Variants in PCDH15 observed in about 807,000 individuals in gnomAD.
PCDH15 encodes protocadherin-15.
Under a neutral mutation model 178.5 loss-of-function variants are expected in PCDH15, and 129 were observed. The observed-to-expected ratio is 0.72, with a 90% confidence interval of 0.63 to 0.84. PCDH15 has a LOEUF of 0.84. Among genes scored for constraint, PCDH15 ranks in the 40% least tolerant of loss-of-function variants. PCDH15 has a pLI of 0.00. For synonymous variants in PCDH15, 800 were observed against 732.0 expected (o/e 1.09, Z -1.50); for missense variants, 2,230 against 2,099.9 (o/e 1.06, Z -1.21).
intron 3 of PCDH15, among the ~76,000 whole-genome samples, chr10:54,835,134 TA>T (rs1201042504): frequency 6.6e-6 from 1 of 152,260 alleles, no homozygotes; most frequent in East Asian, 1.9e-4. Flanking sequence ...ACCCACTCAA[TA>T]ATAATATTAT....
At chr10:54,866,365 A>T (rs1345814071) in intron 3 of PCDH15, among the ~76,000 whole-genome samples, 2 of 152,202 alleles carry the variant, frequency 1.3e-5, no homozygotes, top group African/African-American at 4.8e-5. Flanking sequence ...ATTTGTGAGA[A>T]GTCTACTGTA....
At chr10:54,715,017 T>C (rs932355042) in intron 1 of PCDH15, among the ~76,000 whole-genome samples, 3 of 152,116 alleles carry the variant, frequency 2.0e-5, no homozygotes, top group Non-Finnish European at 4.4e-5. Context: ...TAGAAATTAT[T>C]AAGCACATAT....
chr10:54,427,385 T>C (rs1029415617), intron 3 of PCDH15, among the ~76,000 whole-genome samples: 10 of 150,712 alleles, frequency 6.6e-5, no homozygotes, highest in African/African-American at 2.5e-4. Context: ...TTCAATTGAT[T>C]CTCCTGCCTC....
chr10:54,082,147 A>G (rs2135972548), intron 16 of PCDH15, among the ~76,000 whole-genome samples: 1 of 152,310 alleles, frequency 6.6e-6, no homozygotes, highest in African/African-American at 2.4e-5. Context: ...TTATTCATAA[A>G]GAACTGTGGG....
chr10:53,957,095 T>C (rs1306532388), intron 23 of PCDH15, among the ~76,000 whole-genome samples: 1 of 152,214 alleles, frequency 6.6e-6, no homozygotes, highest in African/African-American at 2.4e-5. Flanking sequence ...AAATGAGCTC[T>C]AAATGAAAAC....
intron 2 of PCDH15, among the ~76,000 whole-genome samples, chr10:55,091,461 TA>T (rs1221914545): frequency 7.1e-6 from 1 of 139,864 alleles, no homozygotes; most frequent in Non-Finnish European, 1.6e-5. Context: ...AGTAGAGGTC[TA>T]AAGTGAATTA....
chr10:54,655,185 T>C (rs2094351365), intron 2 of PCDH15, among the ~76,000 whole-genome samples: 1 of 142,902 alleles, frequency 7.0e-6, no homozygotes, highest in Admixed American at 7.4e-5. Context: ...CACTCCAGCC[T>C]GGGCACAGAG....
intron 15 of PCDH15, among the ~76,000 whole-genome samples, chr10:54,101,709 G>A (rs751091591): frequency 2.0e-5 from 3 of 152,150 alleles, no homozygotes; most frequent in Non-Finnish European, 4.4e-5. Context: ...GCTCATGCCT[G>A]TTATCCCAGA....
chr10:55,012,518 G>A (rs1233970671), intron 2 of PCDH15, among the ~76,000 whole-genome samples: 1 of 151,956 alleles, frequency 6.6e-6, no homozygotes, highest in Non-Finnish European at 1.5e-5. Context: ...CTCTAATATA[G>A]TTGGTAGCCT....
intron 8 of PCDH15, among the ~76,000 whole-genome samples, chr10:54,257,628 C>T (rs530141260): frequency 6.6e-6 from 1 of 152,096 alleles, no homozygotes; most frequent in East Asian, 1.9e-4. Flanking sequence ...ATGAAGTTAG[C>T]TTGCTGAAGG....
intron 2 of PCDH15, among the ~76,000 whole-genome samples, chr10:54,933,757 T>C (rs1040991379): frequency 6.6e-6 from 1 of 152,174 alleles, no homozygotes; most frequent in African/African-American, 2.4e-5. Flanking sequence ...GGATTCCATG[T>C]GCAAACTTTA....
At chr10:55,340,585 C>T (rs59882248) in intron 2 of PCDH15, among the ~76,000 whole-genome samples, 3 of 151,764 alleles carry the variant, frequency 2.0e-5, no homozygotes, top group Admixed American at 6.6e-5. Context: ...ATAATATATT[C>T]GTGTACAACA....
chr10:54,558,263 T>A (rs775307206), intron 2 of PCDH15, among the ~76,000 whole-genome samples: 1 of 152,162 alleles, frequency 6.6e-6, no homozygotes, highest in African/African-American at 2.4e-5. Flanking sequence ...GCTTCAAAAA[T>A]ATTTTCTATG....
chr10:55,283,186 C>G (rs866064137), intron 1 of PCDH15, among the ~76,000 whole-genome samples: 1 of 152,022 alleles, frequency 6.6e-6, no homozygotes, highest in African/African-American at 2.4e-5. Context: ...TTCGCAGACC[C>G]TGCACTGGAT....
chr10:54,853,199 G>A lies in PCDH15; in HGVS notation c.-29+44251C>T, dbSNP rs534842676. Among the ~76,000 whole-genome samples the A allele has an allele frequency of 4.9e-4, 73 of 149,822 alleles. 2 individuals are homozygous for A. Among genetic ancestry groups the A allele is most frequent in the South Asian group, 1.5e-3 (7 of 4,774 alleles). ...CACTTAAACCTGGTTGGCGGAGGTTGTAGTGAGCCGAGATTACACCATTGC... is the reference window on the plus strand; with the variant it reads ...CACTTAAACCTGGTTGGCGGAGGTTATAGTGAGCCGAGATTACACCATTGC... On this transcript the variant is annotated intron_variant, in intron 3 of 5. Transcript: ENST00000458638.
chr10:54,576,914 G>A (rs1323879728), intron 2 of PCDH15, among the ~76,000 whole-genome samples: 1 of 149,940 alleles, frequency 6.7e-6, no homozygotes, highest in Non-Finnish European at 1.5e-5. Flanking sequence ...TTCCGCTCTT[G>A]AGGAGTACGC....
intron 13 of PCDH15, among the ~76,000 whole-genome samples, chr10:54,173,260 A>G (rs1564601427): frequency 2.0e-5 from 3 of 152,202 alleles, no homozygotes; most frequent in Non-Finnish European, 2.9e-5. Context: ...TAATTACTTA[A>G]GGTCATAAAC....
intron 2 of PCDH15, among the ~76,000 whole-genome samples, chr10:55,391,164 G>A (rs983722469): frequency 9.9e-5 from 15 of 151,956 alleles, no homozygotes; most frequent in Admixed American, 9.2e-4. Flanking sequence ...AACTATCTTA[G>A]CTAGATCATC....
chr10:53,928,056 A>T (rs2084723191), intron 25 of PCDH15, among the ~76,000 whole-genome samples: 1 of 152,086 alleles, frequency 6.6e-6, no homozygotes, highest in Non-Finnish European at 1.5e-5. Context: ...TTAAGTGAAA[A>T]GAATGCAATG....
Sources: gnomAD v4.1 joint callset for allele counts (sites outside exome capture counted in the v4.1 genomes callset) on GRCh38, gnomAD v4.1.1 for gene constraint, MANE v1.5 for transcripts, NCBI Gene and HGNC (gene_info 2026-07-23, HGNC 2026-07-21) for gene names.